HAGH: variants seen among roughly 807,000 people sequenced by gnomAD.
HAGH encodes hydroxyacylglutathione hydrolase.
Under a neutral mutation model 35.1 loss-of-function variants are expected in HAGH, and 29 were observed. The observed-to-expected ratio is 0.83, with a 90% confidence interval of 0.62 to 1.13. The LOEUF (loss-of-function observed/expected upper bound fraction) is 1.13. Among genes scored for constraint, HAGH ranks in the 50% most tolerant of loss-of-function variants. The pLI, the probability that HAGH is intolerant of heterozygous loss-of-function variation, is 0.00. For missense variants in HAGH, 478 were observed against 419.6 expected, an observed-to-expected ratio of 1.14 and a Z score of -1.22; for synonymous variants, 225 against 176.1, an observed-to-expected ratio of 1.28 and a Z score of -2.20.
intron 7 of HAGH, 71 bp downstream of exon 7, chr16:1,816,822 G>A (rs946067123): frequency 6.4e-6 from 6 of 935,300 alleles, no homozygotes; most frequent in African/African-American, 4.8e-5. Context: ...TACCCACTCT[G>A]GCGACCCCGC....
chr16:1,811,124 G>A (rs1296782770), intron 7 of HAGH, among the ~76,000 whole-genome samples: 1 of 152,192 alleles, frequency 6.6e-6, no homozygotes, highest in East Asian at 1.9e-4. Flanking sequence ...ACAAAAATAA[G>A]GTCAGTCAGC....
In HAGH at chr16:1,808,923, G is replaced by A. The variant is rs954938563; in HGVS notation, c.*360C>T. The A allele has an allele frequency of 4.8e-5, 11 of 231,230 alleles. No individual in the cohort carries two copies. The highest frequency in any genetic ancestry group is 2.0e-4 in the African/African-American group (9 of 44,418). 14.3% of individuals were successfully genotyped at this position (231,230 alleles called of 1,614,324 possible). On this transcript the variant is annotated 3_prime_UTR_variant, in exon 9 of 9. Coordinates refer to ENST00000397356, the MANE Select transcript of HAGH (RefSeq NM_005326.6). ...CACAAGCACAGGCTGCAAAGGTACC[G>A]ACCGCAGCAGTGGGCCTGACAGTCC... is the stretch of plus-strand genomic sequence containing the variant.
At chr16:1,824,231 A>C (rs2437728) in intron 1 of HAGH, among the ~76,000 whole-genome samples, 90,951 of 150,680 alleles carry the variant, frequency 0.6, 27,519 homozygotes, top group Middle Eastern at 0.72. Flanking sequence ...AAAAAAAAAA[A>C]AAACAAACAA....
chr16:1,822,985 G>C lies in HAGH; in HGVS notation c.129C>G (p.Thr43=). The change falls in exon 2 of 9, where the codon ACC becomes ACG. Residue 43 remains threonine, a synonymous_variant. Coordinates refer to ENST00000397356, the MANE Select transcript of HAGH (RefSeq NM_005326.6). The part of the protein sequence containing the change: ...FCHTDLRKNL[T]VDEGTMKVEV... ...CTACCTTCATGGTGCCCTCGTCCAC[G>C]GTCAGGTTCTTCCGCAAATCTGTGT... 6.2e-7 allele frequency: 1 copy of C among 1,613,896 alleles called. No individual in the cohort carries two copies. The highest frequency in any genetic ancestry group is 8.5e-7 in the Non-Finnish European group (1 of 1,179,940).
rs547299218 is a variant in HAGH, at chr16:1,823,146, T to G, written c.77-109A>C. ...TTCTAGGTTCCTTTGAAAAGGAATA[T>G]TCTGGCCAGGTATGGTGGTTCTTGC... On this transcript the variant is annotated intron_variant, in intron 1 of 8. Coordinates refer to ENST00000397356, the MANE Select transcript of HAGH (RefSeq NM_005326.6). The G allele has an allele frequency of 3.0e-5, 29 of 953,328 alleles. No individual in the cohort carries two copies. The South Asian group carries it at 4.0e-4, about 13-fold the overall frequency. The allele number at this position is 953,328 out of a possible 1,614,324, so 59.1% of individuals were successfully genotyped here. A position where few individuals can be genotyped will look rare whatever the true frequency, so the allele number is the denominator to read the frequency against.
rs1227279492 is a variant in HAGH at position 1,809,367 on chromosome 16, C to G, written c.843G>C (p.Gln281His). The G allele has an allele frequency of 6.2e-7, 1 of 1,611,540 alleles. No homozygotes were observed. The highest frequency in any genetic ancestry group is 1.3e-5 in the African/African-American group (1 of 74,934). Residue 281 changes from glutamine to histidine, a missense_variant, in exon 9 of 9, where the codon CAG (glutamine) becomes CAC (histidine). By Grantham distance (24) the Gln-to-His change is conservative. Transcript: ENST00000397356. ...CCGGGTCCGTCTCACCTGCGTGCTG[C>G]TGCACCGTCTTCTCCCTGCGGAGGC... is the stretch of plus-strand genomic sequence containing the variant. ...PFMRVREKTV[Q>H]QHAGETDPVT...
At chr16:1,822,133 C>T (rs1596937797) in intron 3 of HAGH, 167 bp downstream of exon 3, 1 of 612,838 alleles carries the variant, frequency 1.6e-6, no homozygotes, top group South Asian at 1.8e-5. Context: ...ACCAGACTTG[C>T]CCCTTGGGGG....
chr16:1,817,074 C>T (rs1000832803), intron 6 of HAGH, 80 bp from the exon 7 acceptor site: 31 of 1,338,012 alleles, frequency 2.3e-5, no homozygotes, highest in Admixed American at 1.7e-4. Context: ...TGGATGCCCC[C>T]GGGGGGTGTC....
chr16:1,817,343 GC>G, intron 5 of HAGH, 72 bp from the exon 6 acceptor site: 1 of 959,896 alleles, frequency 1.0e-6, no homozygotes. Flanking sequence ...GGGGCCAGGA[GC>G]AGGGTGACAC....
rs1897498458 is a variant in HAGH, at chr16:1,808,735, A to T, written c.*548T>A. The T allele has an allele frequency of 6.6e-6, 1 of 152,370 alleles. No individual in the cohort carries two copies. Among genetic ancestry groups the T allele is most frequent in the Non-Finnish European group, 1.5e-5 (1 of 68,296 alleles). 9.4% of individuals were successfully genotyped at this position (152,370 alleles called of 1,614,324 possible). On this transcript the variant is annotated 3_prime_UTR_variant, in exon 9 of 9. Transcript: ENST00000397356. ...CCTCCCGGGGTCACAGGCCGAGAGC[A>T]CTCCCCAGCTGGCTGCTTCCCCAGA...
intron 7 of HAGH, among the ~76,000 whole-genome samples, chr16:1,813,106 C>A (rs1190473341): frequency 1.3e-5 from 2 of 152,232 alleles, no homozygotes; most frequent in Non-Finnish European, 2.9e-5. Flanking sequence ...ATCTGATCCC[C>A]AATTAATGGA....
At chr16:1,813,613 A>G (rs1237745093) in intron 7 of HAGH, among the ~76,000 whole-genome samples, 1 of 152,218 alleles carries the variant, frequency 6.6e-6, no homozygotes, top group African/African-American at 2.4e-5. Context: ...GCTCACAGAA[A>G]CACTCAATGT....
rs1897487809 is a variant in HAGH at position 1,808,332 on chromosome 16, GCT to G, written c.*949_*950del. On this transcript the variant is annotated 3_prime_UTR_variant, in exon 9 of 9. Transcript: ENST00000397356. ...TTTTTTTTTTTTGAGACAGAGTCTT[GCT>G]CTGTCTCCCAGGCTGGAGTGCAGTG... 1 of 149,862 alleles carries G rather than the reference GCT, an allele frequency of 6.7e-6. No homozygotes were observed. Among genetic ancestry groups the G allele is most frequent in the Non-Finnish European group, 1.5e-5 (1 of 67,580 alleles). The allele number at this position is 149,862 out of a possible 1,614,324, so 9.3% of individuals were successfully genotyped here. A position where few individuals can be genotyped will look rare whatever the true frequency, so the allele number is the denominator to read the frequency against.
At chr16:1,817,299 G>A in intron 5 of HAGH, 28 bp from the exon 6 acceptor site, 1 of 1,434,840 alleles carries the variant, frequency 7.0e-7, no homozygotes, top group Non-Finnish European at 9.8e-7. Flanking sequence ...CACGAGGTGG[G>A]GGCCACTTGA....
At chr16:1,817,389 C>T (rs1204406828) in intron 5 of HAGH, 118 bp from the exon 6 acceptor site, 6 of 711,946 alleles carry the variant, frequency 8.4e-6, no homozygotes, top group South Asian at 1.6e-5. Context: ...ACCCTGGCTG[C>T]CCTCCGGCCA....
At chr16:1,819,756 C>A in intron 4 of HAGH, 141 bp downstream of exon 4, 1 of 678,550 alleles carries the variant, frequency 1.5e-6, no homozygotes, top group Non-Finnish European at 2.7e-6. Flanking sequence ...ACAGAGAAGA[C>A]CATCCACGCT....
At chr16:1,813,045 G>A (rs994010906) in intron 7 of HAGH, among the ~76,000 whole-genome samples, 1 of 152,232 alleles carries the variant, frequency 6.6e-6, no homozygotes, top group Non-Finnish European at 1.5e-5. Context: ...TCTCCTGGGT[G>A]TTCACACGGG....
intron 1 of HAGH, 139 bp downstream of exon 1, chr16:1,826,573 G>T (rs1311047079): frequency 2.0e-6 from 2 of 978,868 alleles, no homozygotes; most frequent in Non-Finnish European, 2.4e-6. Flanking sequence ...CGCCGCCTCC[G>T]CTCGAGCCCG....
intron 8 of HAGH, 128 bp downstream of exon 8, chr16:1,809,626 G>T: frequency 2.6e-6 from 2 of 763,170 alleles, no homozygotes; most frequent in Non-Finnish European, 2.3e-6. Context: ...CGGGCTCTGC[G>T]GCTGCACCTG....
Sources: gnomAD v4.1 joint callset for allele counts (sites outside exome capture counted in the v4.1 genomes callset) on GRCh38, gnomAD v4.1.1 for gene constraint, MANE v1.5 for transcripts, NCBI Gene and HGNC (gene_info 2026-07-23, HGNC 2026-07-21) for gene names.